Variants in DUSP11 observed in about 807,000 individuals in gnomAD.
The protein encoded by DUSP11 is dual specificity phosphatase 11.
DUSP11 carries 27 observed loss-of-function variants against 41.4 expected under a neutral mutation model. That is an observed-to-expected ratio of 0.65 (90% CI 0.48 to 0.90). DUSP11 has a LOEUF of 0.90. DUSP11 is among the 40% of genes least tolerant of loss of function. DUSP11 has a pLI of 0.00. For synonymous variants in DUSP11, 188 were observed against 159.3 expected, an observed-to-expected ratio of 1.18 and a Z score of -1.35; for missense variants, 465 against 461.1, an observed-to-expected ratio of 1.01 and a Z score of -0.08.
chr2:73,762,862 TAAAGC>T lies in DUSP11; in HGVS notation c.936-8_936-4del, dbSNP rs1672389328. ...CATGTGGATTCTCTGAAAATTTTCTTAAAGCAAAACAAAAAGTAATAAGCCATTAC... is the reference window on the plus strand; with the variant it reads ...CATGTGGATTCTCTGAAAATTTTCTTAAAACAAAAAGTAATAAGCCATTAC... On this transcript the variant is annotated splice_polypyrimidine_tract_variant and splice_region_variant and intron_variant, in intron 8 of 8. Transcript: ENST00000272444. 3.9e-6 allele frequency: 6 copies of T among 1,555,852 alleles called. No individual in the cohort carries two copies. In the South Asian group the frequency reaches 4.9e-5, roughly 13 times the overall value.
At chr2:73,776,859 ATTG>A (rs1672699463) in intron 2 of DUSP11, among the ~76,000 whole-genome samples, 1 of 152,194 alleles carries the variant, frequency 6.6e-6, no homozygotes, top group Admixed American at 6.5e-5. Flanking sequence ...TCAGCACAGG[ATTG>A]TTGTGAAATG....
At chr2:73,779,912 G>A (rs768516998) in exon 1 of DUSP11, 2 of 1,614,224 alleles carry the variant, frequency 1.2e-6, no homozygotes, top group East Asian at 2.2e-5. Context: ...TCTTGGCTGA[G>A]GAGCGTCCTG....
chr2:73,767,114 C>G lies in DUSP11; in HGVS notation c.682+47G>C, dbSNP rs974398127. 8 of 1,538,064 alleles carry G rather than the reference C, an allele frequency of 5.2e-6. No homozygotes were observed. In the African/African-American group the frequency reaches 9.6e-5, roughly 18 times the overall value. ...TTGATAAATTCTTCTACATTTCCAC[C>G]TTTAACTTTAATAAAAGGGAAAAAT... On this transcript the variant is annotated intron_variant, in intron 6 of 8. Transcript: ENST00000272444.
At chr2:73,779,851 G>A (rs1181466541) in intron 1 of DUSP11, 23 bp downstream of exon 1, 1 of 1,612,558 alleles carries the variant, frequency 6.2e-7, no homozygotes, top group Non-Finnish European at 8.5e-7. Flanking sequence ...GAAAGGCCAC[G>A]CCAAGGGACC....
intron 1 of DUSP11, 44 bp downstream of exon 1, chr2:73,779,830 G>A (rs1428729773): frequency 1.2e-6 from 2 of 1,609,066 alleles, no homozygotes; most frequent in Non-Finnish European, 1.7e-6. Context: ...AGACCCAGAA[G>A]CCACGAGCTG....
chr2:73,764,640 G>C (rs1034738412), intron 8 of DUSP11, among the ~76,000 whole-genome samples: 2 of 152,332 alleles, frequency 1.3e-5, no homozygotes, highest in East Asian at 3.9e-4. Context: ...GGTCCAGCCT[G>C]ACAACCACTA....
exon 2 of DUSP11, chr2:73,778,336 T>G: frequency 6.4e-7 from 1 of 1,554,270 alleles, no homozygotes; most frequent in Non-Finnish European, 8.7e-7. Context: ...ATGAAACGAG[T>G]CCCAGGCATC....
At chr2:73,773,973 TAA>T (rs1558534644) in intron 3 of DUSP11, 50 bp from the exon 4 acceptor site, 1 of 1,445,024 alleles carries the variant, frequency 6.9e-7, no homozygotes, top group South Asian at 1.4e-5. Context: ...TGTAGAGAAA[TAA>T]TTAAAGAGTA....
exon 8 of DUSP11, chr2:73,766,581 T>C: frequency 6.2e-7 from 1 of 1,607,968 alleles, no homozygotes; most frequent in South Asian, 1.1e-5. Flanking sequence ...CTGGGTACAC[T>C]GGAATTCCAA....
Position 73,774,900 on chromosome 2 carries a change from G to A in DUSP11, c.450+13C>T. ...AAGGAAGAAAGTTCTTTTCATTGAA[G>A]GGTTCCACTTACCTCTGGTTTATAA... On this transcript the variant is annotated intron_variant, in intron 3 of 8. Coordinates refer to ENST00000272444, the Ensembl canonical transcript of DUSP11. 6.6e-7 allele frequency: 1 copy of A among 1,515,100 alleles called. No individual in the cohort carries two copies. The highest frequency in any genetic ancestry group is 8.9e-7 in the Non-Finnish European group (1 of 1,128,098). The allele number at this position is 1,515,100 out of a possible 1,614,324, so 93.9% of individuals were successfully genotyped here. A position where few individuals can be genotyped will look rare whatever the true frequency, so the allele number is the denominator to read the frequency against.
At position 73,766,406 on chromosome 2, in the gene DUSP11, A is replaced by G. The variant is rs746489471; in HGVS notation, c.935+12T>C. 1 of 1,593,860 alleles carries G rather than the reference A, an allele frequency of 6.3e-7. No homozygotes were observed. The highest frequency in any genetic ancestry group is 1.1e-5 in the South Asian group (1 of 87,560). On this transcript the variant is annotated intron_variant, in intron 8 of 8. Coordinates refer to ENST00000272444, the Ensembl canonical transcript of DUSP11. ...ATCTCAATTCTAGAAAAGGGAAAACAGAGAGAGGTACCTGACTGATTGTTG... is the reference window on the plus strand; with the variant it reads ...ATCTCAATTCTAGAAAAGGGAAAACGGAGAGAGGTACCTGACTGATTGTTG...
Position 73,768,486 on chromosome 2 carries a change from C to A in DUSP11, c.635+779G>T. On this transcript the variant is annotated intron_variant, in intron 5 of 8. Coordinates refer to ENST00000272444, the Ensembl canonical transcript of DUSP11. ...GTGGCAACATCCATAAAAAGCATAACGACACATACTATTTGATTAAGAAAT... is the reference window on the plus strand; with the variant it reads ...GTGGCAACATCCATAAAAAGCATAAAGACACATACTATTTGATTAAGAAAT... 3.0e-6 allele frequency: 3 copies of A among 985,330 alleles called. No individual in the cohort carries two copies. In the South Asian group the frequency reaches 1.4e-4, roughly 46 times the overall value. The allele number at this position is 985,330 out of a possible 1,614,324, so 61.0% of individuals were successfully genotyped here.
chr2:73,780,147 G>T (rs1212941537), exon 1 of DUSP11: 2 of 1,551,228 alleles, frequency 1.3e-6, no homozygotes, highest in Non-Finnish European at 8.7e-7. Flanking sequence ...GCGTAGCCAC[G>T]CTGGCTTACT....
At chr2:73,763,782 G>A (rs1022442371) in intron 8 of DUSP11, among the ~76,000 whole-genome samples, 9 of 152,066 alleles carry the variant, frequency 5.9e-5, no homozygotes, top group African/African-American at 1.9e-4. Flanking sequence ...CCACTGCAGA[G>A]CCCTCAATCC....
At chr2:73,769,034 C>A in intron 5 of DUSP11, 3 of 336,504 alleles carry the variant, frequency 8.9e-6, no homozygotes, top group Non-Finnish European at 1.1e-5. Flanking sequence ...AATTAAAAAA[C>A]AGAATGTCTA....
chr2:73,773,075 G>C (rs1440158540), intron 4 of DUSP11, among the ~76,000 whole-genome samples: 2 of 152,140 alleles, frequency 1.3e-5, no homozygotes, highest in East Asian at 1.9e-4. Context: ...TTCTGGCAGA[G>C]AGATGCCAGA....
intron 4 of DUSP11, among the ~76,000 whole-genome samples, chr2:73,770,464 A>C (rs1365144607): frequency 2.5e-3 from 372 of 151,718 alleles, no homozygotes; most frequent in African/African-American, 8.5e-3. Context: ...GCAGTGTGCC[A>C]AAATGGTGCC....
chr2:73,779,995 C>G (rs928235523), exon 1 of DUSP11: 1 of 1,614,240 alleles, frequency 6.2e-7, no homozygotes, highest in Non-Finnish European at 8.5e-7. Context: ...AGAAGCCGCC[C>G]ACCCAATGCC....
intron 3 of DUSP11, 144 bp downstream of exon 3, chr2:73,774,769 G>T: frequency 1.8e-6 from 1 of 552,564 alleles, no homozygotes; most frequent in East Asian, 3.1e-5. Context: ...CATGTAATTA[G>T]AGAAATCACT....
Sources: allele counts gnomAD v4.1 joint callset (sites outside exome capture counted in the v4.1 genomes callset), GRCh38; gene constraint gnomAD v4.1.1; transcripts MANE v1.5; gene names NCBI Gene and HGNC (gene_info 2026-07-23, HGNC 2026-07-21).